Variants in ZNF609 observed in about 807,000 individuals in gnomAD.
ZNF609 encodes the protein zinc finger protein 609.
In ZNF609, 11 loss-of-function variants were observed where a neutral mutation model predicts 109.5. The observed-to-expected ratio is 0.10, with a 90% CI of 0.06 to 0.17. The LOEUF is 0.17. Ranked by LOEUF, ZNF609 falls within the 10% of genes least tolerant of loss-of-function variation. The probability of loss-of-function intolerance (pLI) is 1.00; values close to 1 mark genes in which losing one functional copy is unlikely to be tolerated. For missense variants in ZNF609, 1,559 were observed against 1,772.4 expected (o/e 0.88, Z 2.16); for synonymous variants, 646 against 662.0 (o/e 0.98, Z 0.37).
chr15:64,665,680 C>G (rs2141007666), intron 3 of ZNF609, among the ~76,000 whole-genome samples: 1 of 152,296 alleles, frequency 6.6e-6, no homozygotes, highest in African/African-American at 2.4e-5. Flanking sequence ...AAGGCCGAGG[C>G]AGGCAGATCA....
At chr15:64,679,825 C>T (rs896557098) in intron 6 of ZNF609, among the ~76,000 whole-genome samples, 6 of 152,136 alleles carry the variant, frequency 3.9e-5, no homozygotes, top group African/African-American at 1.4e-4. Context: ...TCAAGGTTAC[C>T]AAGCTAGTAA....
chr15:64,636,307 C>T (rs189096668), intron 3 of ZNF609, among the ~76,000 whole-genome samples: 4 of 152,274 alleles, frequency 2.6e-5, no homozygotes, highest in Admixed American at 6.5e-5. Flanking sequence ...GCTGCCTTCA[C>T]GGCCTTCTCC....
intron 2 of ZNF609, among the ~76,000 whole-genome samples, chr15:64,576,988 ATACACATAAATATATATATGTATG>A (rs1273305554): frequency 7.1e-4 from 97 of 137,130 alleles, no homozygotes; most frequent in Middle Eastern, 3.8e-3. Context: ...ATATGTATGT[ATACACATAAATATATATATGTATG>A]TATACACATA....
Position 64,622,433 on chromosome 15 carries a change from G to C in ZNF609, c.748-394G>C, listed in dbSNP as rs552944590. Reference sequence around the variant, plus strand: ...AGTGGTGGTAGCAAAACATACCTCAGATGCTGGGCCTTGTCTTTCTCATCA... The same window carrying C: ...AGTGGTGGTAGCAAAACATACCTCACATGCTGGGCCTTGTCTTTCTCATCA... On this transcript the variant is annotated intron_variant, in intron 2 of 9. Coordinates refer to ENST00000326648, the MANE Select transcript of ZNF609 (RefSeq NM_015042.2). 2.0e-5 allele frequency among the ~76,000 whole-genome samples: 3 copies of C among 152,302 alleles called. No homozygotes were observed. The South Asian group carries it at 6.2e-4, about 32-fold the overall frequency.
At chr15:64,593,266 A>G in intron 2 of ZNF609, 1 of 1,512,300 alleles carries the variant, frequency 6.6e-7, no homozygotes, top group Non-Finnish European at 9.1e-7. Flanking sequence ...AGGACCGAAC[A>G]CCCCCACCCC....
rs546018100 is a variant in ZNF609, at chr15:64,484,547, G to A, written c.-127-14746G>A. 4.9e-5 allele frequency among the ~76,000 whole-genome samples: 7 copies of A among 144,214 alleles called. No homozygotes were observed. In the East Asian group the frequency reaches 6.3e-4, roughly 13 times the overall value. 94.6% of individuals were successfully genotyped at this position (144,214 alleles called of 152,430 possible). The stretch of plus-strand genomic sequence containing the variant: ...AAAAATTAGCTGGGCGTGGTGGCGC[G>A]TGCCTGTAATCCCAGCTGTTCGGGA... On this transcript the variant is annotated intron_variant, in intron 1 of 9. Coordinates refer to ENST00000326648, the MANE Select transcript of ZNF609 (RefSeq NM_015042.2).
chr15:64,588,375 C>A (rs1567022346), intron 2 of ZNF609, among the ~76,000 whole-genome samples: 1 of 132,196 alleles, frequency 7.6e-6, no homozygotes, highest in Non-Finnish European at 1.6e-5. Context: ...TTGCAGTGAG[C>A]CAAGATTGCC....
At chr15:64,511,661 G>A (rs1893733014) in intron 2 of ZNF609, among the ~76,000 whole-genome samples, 2 of 151,578 alleles carry the variant, frequency 1.3e-5, no homozygotes, top group Non-Finnish European at 2.9e-5. Context: ...GTTTTACAAA[G>A]TATAAGTGTC....
rs150653749 is a variant in ZNF609 at position 64,474,449 on chromosome 15, G to A, written c.-128+13611G>A. On this transcript the variant is annotated intron_variant, in intron 1 of 9. Transcript: ENST00000326648. ...GCTGGTCTCGAACTCCCGACCTCAG[G>A]TGATCCGCCTGCCTCAGCCTCCCAA... Among the ~76,000 whole-genome samples, 650 of 152,178 alleles carry A rather than the reference G, an allele frequency of 4.3e-3. 7 individuals carry two copies. Among genetic ancestry groups the A allele is most frequent in the African/African-American group, 0.015 (620 of 41,514 alleles).
chr15:64,553,895 G>A (rs1469076463), intron 2 of ZNF609, among the ~76,000 whole-genome samples: 2 of 152,128 alleles, frequency 1.3e-5, no homozygotes, highest in Non-Finnish European at 2.9e-5. Context: ...ACCACGCCTG[G>A]CCTATAAAAT....
chr15:64,664,602 G>A (rs1157553384), intron 3 of ZNF609, among the ~76,000 whole-genome samples: 6 of 152,168 alleles, frequency 3.9e-5, no homozygotes, highest in Admixed American at 3.9e-4. Flanking sequence ...GGTCTGTTAA[G>A]TGTTATTTGC....
intron 2 of ZNF609, among the ~76,000 whole-genome samples, chr15:64,527,938 C>G (rs2140369299): frequency 6.6e-6 from 1 of 152,300 alleles, no homozygotes; most frequent in African/African-American, 2.4e-5. Flanking sequence ...CATTCAGGAT[C>G]CAACTTAAAT....
chr15:64,489,697 T>G (rs1052178595), intron 1 of ZNF609, among the ~76,000 whole-genome samples: 5 of 151,490 alleles, frequency 3.3e-5, no homozygotes, highest in Admixed American at 6.6e-5. Flanking sequence ...GCATGGCTAA[T>G]TTTTGTATTT....
At chr15:64,504,540 C>T (rs568039628) in intron 2 of ZNF609, among the ~76,000 whole-genome samples, 3 of 152,094 alleles carry the variant, frequency 2.0e-5, no homozygotes, top group African/African-American at 4.8e-5. Context: ...GGCACGATCT[C>T]GGCTCATTGC....
intron 2 of ZNF609, among the ~76,000 whole-genome samples, chr15:64,534,280 G>C (rs1232694903): frequency 6.6e-6 from 1 of 151,410 alleles, no homozygotes; most frequent in Non-Finnish European, 1.5e-5. Context: ...CAAAGTGGTG[G>C]TATTACAGGC....
intron 2 of ZNF609, among the ~76,000 whole-genome samples, chr15:64,561,636 T>C (rs192079656): frequency 7.4e-4 from 111 of 149,838 alleles, no homozygotes; most frequent in African/African-American, 2.5e-3. Flanking sequence ...GCACAGGCAA[T>C]CCTCTTGCCT....
At chr15:64,491,477 AAGAC>A in intron 1 of ZNF609, among the ~76,000 whole-genome samples, 1 of 152,180 alleles carries the variant, frequency 6.6e-6, no homozygotes, top group East Asian at 1.9e-4. Flanking sequence ...TTTATATTCA[AAGAC>A]AGTTTATATT....
intron 1 of ZNF609, among the ~76,000 whole-genome samples, chr15:64,465,450 C>T (rs1893001583): frequency 1.3e-5 from 2 of 152,036 alleles, no homozygotes; most frequent in African/African-American, 2.4e-5. Context: ...GGTGCGATCT[C>T]GGCTCACTGC....
chr15:64,646,275 C>G (rs1896332288), intron 3 of ZNF609, among the ~76,000 whole-genome samples: 2 of 152,018 alleles, frequency 1.3e-5, no homozygotes, highest in Non-Finnish European at 2.9e-5. Context: ...GGGAGGATCA[C>G]TTGAGCCCAG....
Sources: gnomAD v4.1 joint callset for allele counts (sites outside exome capture counted in the v4.1 genomes callset) on GRCh38, gnomAD v4.1.1 for gene constraint, MANE v1.5 for transcripts, NCBI Gene and HGNC (gene_info 2026-07-23, HGNC 2026-07-21) for gene names.